TK2: variants seen among roughly 807,000 people sequenced by gnomAD.
TK2 encodes the protein thymidine kinase 2, mitochondrial.
A neutral mutation model predicts 41.9 loss-of-function variants in TK2; 35 were observed. The ratio of observed to expected loss-of-function variants is 0.84; its 90% confidence interval spans 0.64 to 1.11. The LOEUF (loss-of-function observed/expected upper bound fraction) is 1.11, where lower values mean the gene tolerates loss of function less well. Ranked by LOEUF, TK2 falls within the 50% of genes least tolerant of loss-of-function variation. The pLI, the probability that TK2 is intolerant of heterozygous loss-of-function variation, is 0.00. For synonymous variants in TK2, 128 were observed against 129.1 expected, an observed-to-expected ratio of 0.99 and a Z score of 0.06; for missense variants, 320 against 351.1, an observed-to-expected ratio of 0.91 and a Z score of 0.71.
At chr16:66,548,801 G>A (rs557351845) in intron 2 of TK2, 177 bp downstream of exon 2, 1 of 645,946 alleles carries the variant, frequency 1.5e-6, no homozygotes, top group East Asian at 2.6e-5. Flanking sequence ...AAAGATACAA[G>A]AAATTGGTAA....
chr16:66,540,482 T>C (rs1235476346), intron 3 of TK2, among the ~76,000 whole-genome samples: 4 of 152,094 alleles, frequency 2.6e-5, no homozygotes, highest in Non-Finnish European at 5.9e-5. Flanking sequence ...CATGCATATA[T>C]TTCTAGCAGA....
intron 2 of TK2, chr16:66,548,675 C>A: frequency 2.7e-6 from 1 of 375,848 alleles, no homozygotes; most frequent in Non-Finnish European, 4.9e-6. Context: ...TGACCTTCCC[C>A]ACAACACAAT....
At chr16:66,549,289 A>T (rs936826539) in intron 1 of TK2, 1 of 1,245,100 alleles carries the variant, frequency 8.0e-7, no homozygotes. Flanking sequence ...TTAGATCTTC[A>T]CAGACTGGAT....
rs945586365 is a variant in TK2 at position 66,543,398 on chromosome 16, T to C, written c.157-1445A>G. Among the ~76,000 whole-genome samples, 4 of 152,142 alleles carry C rather than the reference T, an allele frequency of 2.6e-5. No homozygotes were observed. The East Asian group carries it at 7.7e-4, about 29-fold the overall frequency. On this transcript the variant is annotated intron_variant, in intron 2 of 9. Transcript: ENST00000544898. ...TGTAGCCCAGTGATTCTGACCAAGC[T>C]CTGCTCAGCCAGGCACTGCTGATGA...
At chr16:66,525,108 G>A (rs940503644) in intron 6 of TK2, 1 of 152,254 alleles carries the variant, frequency 6.6e-6, no homozygotes, top group East Asian at 1.9e-4. Context: ...CTGTCCATGG[G>A]TCCCTGCCCT....
At chr16:66,528,617 C>T (rs183453017) in intron 6 of TK2, among the ~76,000 whole-genome samples, 240 of 152,338 alleles carry the variant, frequency 1.6e-3, no homozygotes, top group East Asian at 6.7e-3. Context: ...TGCTTCTACC[C>T]TTTGTCACCG....
chr16:66,541,732 T>G, intron 3 of TK2, 147 bp downstream of exon 3: 1 of 823,036 alleles, frequency 1.2e-6, no homozygotes, highest in Non-Finnish European at 2.0e-6. Flanking sequence ...GTTTTTTTAA[T>G]GAGGATATTA....
Position 66,514,192 on chromosome 16 carries a change from G to A in TK2, c.619-381C>T, listed in dbSNP as rs182879809. Among the ~76,000 whole-genome samples, 23 of 149,524 alleles carry A rather than the reference G, an allele frequency of 1.5e-4. No homozygotes were observed. The highest frequency in any genetic ancestry group is 4.2e-4 in the South Asian group (2 of 4,742). ...CCAGCCGAGGCTGGACTGTACTGCC[G>A]CCAACTCGACTCACTGCAACCTCCC... On this transcript the variant is annotated intron_variant, in intron 8 of 9. Transcript: ENST00000544898. This position sits in a 1 kb window ranked among gnomAD's most constrained non-coding sequence, Gnocchi z 4.2.
At position 66,518,016 on chromosome 16, in the gene TK2, T is replaced by A. The variant is rs544048988; in HGVS notation, c.450-139A>T. ...GGGCACAGTGTGATCCGTGCAATAC[T>A]GGACATGCAGTGACAAGGACCCTAA... On this transcript the variant is annotated intron_variant, in intron 6 of 9. Coordinates refer to ENST00000544898, the MANE Select transcript of TK2 (RefSeq NM_004614.5). The A allele has an allele frequency of 2.8e-5, 21 of 759,508 alleles. 1 individual carries two copies. In the Admixed American group the frequency reaches 3.8e-4, roughly 14 times the overall value. 47.0% of individuals were successfully genotyped at this position (759,508 alleles called of 1,614,324 possible). A position where few individuals can be genotyped will look rare whatever the true frequency, so the allele number is the denominator to read the frequency against.
At position 66,536,955 on chromosome 16, in the gene TK2, C is replaced by A. The variant is rs376060179; in HGVS notation, c.285+9G>T. ...AGCCGGGGGTTCATGCAACCAACAA[C>A]CCACTCACCAGAGGATTGTGGCCAC... On this transcript the variant is annotated intron_variant, in intron 4 of 9. Transcript: ENST00000544898. 2.5e-6 allele frequency: 4 copies of A among 1,614,058 alleles called. No individual in the cohort carries two copies. The highest frequency in any genetic ancestry group is 1.3e-5 in the African/African-American group (1 of 74,988).
chr16:66,528,735 C>T lies in TK2; in HGVS notation c.449+259G>A, dbSNP rs184156315. On this transcript the variant is annotated intron_variant, in intron 6 of 9. Coordinates refer to ENST00000544898, the MANE Select transcript of TK2 (RefSeq NM_004614.5). Reference sequence around the variant, plus strand: ...CACCCTTGCTTAGGCTATCCTACATCGGCTGATCCCCAGACATCTCATTGA... The same window carrying T: ...CACCCTTGCTTAGGCTATCCTACATTGGCTGATCCCCAGACATCTCATTGA... Among the ~76,000 whole-genome samples, 5 of 152,290 alleles carry T rather than the reference C, an allele frequency of 3.3e-5. No individual in the cohort carries two copies. The East Asian group carries it at 7.7e-4, about 24-fold the overall frequency.
chr16:66,514,401 G>A lies in TK2; in HGVS notation c.619-590C>T, dbSNP rs373968551. Among the ~76,000 whole-genome samples the A allele has an allele frequency of 0.011, 1,619 of 152,342 alleles. 23 individuals carry two copies. The highest frequency in any genetic ancestry group is 0.037 in the African/African-American group (1,529 of 41,576). On this transcript the variant is annotated intron_variant, in intron 8 of 9. Transcript: ENST00000544898. This position sits in a 1 kb window ranked among gnomAD's most constrained non-coding sequence, Gnocchi z 4.2. ...CTCCCGAGGTGCCGGGATTGCAGAC[G>A]GAGTCTGGTTCACTCAGTGCTCAAT...
intron 3 of TK2, among the ~76,000 whole-genome samples, chr16:66,539,387 T>A (rs1965385223): frequency 6.6e-6 from 1 of 151,916 alleles, no homozygotes; most frequent in Middle Eastern, 3.4e-3. Flanking sequence ...TCACTTGAGG[T>A]CAGGAGTTTG....
intron 5 of TK2, among the ~76,000 whole-genome samples, chr16:66,529,307 A>G (rs1478059380): frequency 1.3e-5 from 2 of 152,218 alleles, no homozygotes; most frequent in African/African-American, 4.8e-5. Flanking sequence ...CCAAAGCTGC[A>G]TGCATGGCCC....
chr16:66,532,129 CA>C (rs11334281), intron 4 of TK2, among the ~76,000 whole-genome samples: 8,052 of 75,586 alleles, frequency 0.11, 731 homozygotes, highest in African/African-American at 0.29. Context: ...TTGAAATGAC[CA>C]AAAAAAAAAA....
At chr16:66,515,483 C>A (rs76005605) in intron 8 of TK2, among the ~76,000 whole-genome samples, 3 of 152,264 alleles carry the variant, frequency 2.0e-5, no homozygotes. Flanking sequence ...AGCAGATACT[C>A]GTGCTCTCCC....
intron 8 of TK2, among the ~76,000 whole-genome samples, chr16:66,516,215 G>A (rs1267207584): frequency 6.6e-6 from 1 of 152,166 alleles, no homozygotes; most frequent in African/African-American, 2.4e-5. Context: ...ATGGAAGGAA[G>A]GTCAGGGGTG....
intron 2 of TK2, chr16:66,548,769 C>G (rs1239929827): frequency 3.4e-6 from 2 of 584,740 alleles, no homozygotes; most frequent in African/African-American, 3.7e-5. Flanking sequence ...CTTGTGTGCT[C>G]CTATCTGTGC....
In TK2 at chr16:66,517,684, G is replaced by A. The variant is rs1027594813; in HGVS notation, c.538+105C>T. The A allele has an allele frequency of 4.8e-6, 5 of 1,045,094 alleles. No individual in the cohort carries two copies. The East Asian group carries it at 9.5e-5, about 20-fold the overall frequency. The allele number at this position is 1,045,094 out of a possible 1,614,324, so 64.7% of individuals were successfully genotyped here. A position where few individuals can be genotyped will look rare whatever the true frequency, so the allele number is the denominator to read the frequency against. On this transcript the variant is annotated intron_variant, in intron 7 of 9. Transcript: ENST00000544898. This position sits in a 1 kb window ranked among gnomAD's most constrained non-coding sequence, Gnocchi z 4.3. The stretch of plus-strand genomic sequence containing the variant: ...TCCCATGGGGAAGGAACTGCCAAGG[G>A]CAAGTGCCTCACCCACTGCCCCCAA...
Sources: allele counts gnomAD v4.1 joint callset (sites outside exome capture counted in the v4.1 genomes callset), GRCh38; gene constraint gnomAD v4.1.1; non-coding constraint Gnocchi (gnomAD v3.1); transcripts MANE v1.5; gene names NCBI Gene and HGNC (gene_info 2026-07-23, HGNC 2026-07-21).